The following TGFB3 variants were observed in gnomAD, a reference collection of about 807,000 sequenced individuals.
TGFB3 encodes transforming growth factor beta-3 proprotein.
TGFB3 carries 5 observed loss-of-function variants against 40.1 expected under a neutral mutation model. The observed-to-expected ratio is 0.12, with a 90% confidence interval of 0.07 to 0.26. The LOEUF (loss-of-function observed/expected upper bound fraction) is 0.26, where lower values mean the gene tolerates loss of function less well. Ranked by LOEUF, TGFB3 falls within the 10% of genes least tolerant of loss-of-function variation. The probability of loss-of-function intolerance (pLI) is 1.00; values close to 1 mark genes in which losing one functional copy is unlikely to be tolerated. For missense variants in TGFB3, 373 were observed against 530.1 expected, an observed-to-expected ratio of 0.70 and a Z score of 2.91; for synonymous variants, 184 against 205.6, an observed-to-expected ratio of 0.89 and a Z score of 0.90.
chr14:75,967,492 C>T (rs1057162584), intron 3 of TGFB3, among the ~76,000 whole-genome samples: 1 of 152,148 alleles, frequency 6.6e-6, no homozygotes, highest in Non-Finnish European at 1.5e-5. Context: ...AGTGTACCTC[C>T]TGGTCAAGCT....
At chr14:75,974,603 A>G (rs549276143) in intron 1 of TGFB3, among the ~76,000 whole-genome samples, 293 of 152,140 alleles carry the variant, frequency 1.9e-3, no homozygotes, top group African/African-American at 6.4e-3. Flanking sequence ...CGTCTCTACT[A>G]AAAATACAAA....
intron 3 of TGFB3, among the ~76,000 whole-genome samples, chr14:75,970,501 G>T (rs1292689688): frequency 6.6e-6 from 1 of 151,660 alleles, no homozygotes; most frequent in Admixed American, 6.6e-5. Flanking sequence ...TGGAGGTGCA[G>T]TGAGCAGAGA....
In TGFB3 at chr14:75,971,549, A is replaced by AGT; in HGVS notation, c.516+4_516+5dup. Reference sequence around the variant, plus strand: ...GGTGTGGTTTCTGCTCTGAGAGAGGAGTTACCTGGAAGAGCTCGATCCTCT... The same window carrying AGT: ...GGTGTGGTTTCTGCTCTGAGAGAGGAGTGTTACCTGGAAGAGCTCGATCCTCT... On this transcript the variant is annotated splice_donor_region_variant and intron_variant, in intron 2 of 6. Coordinates refer to ENST00000238682, the MANE Select transcript of TGFB3 (RefSeq NM_003239.5). The surrounding 1 kb of genome is among the most constrained non-coding windows in gnomAD (Gnocchi z 4.5). 1 of 1,613,998 alleles carries AGT rather than the reference A, an allele frequency of 6.2e-7. No individual in the cohort carries two copies. The highest frequency in any genetic ancestry group is 8.5e-7 in the Non-Finnish European group (1 of 1,179,988).
chr14:75,978,683 T>C lies in TGFB3; in HGVS notation c.352+1859A>G, dbSNP rs2035383913. 6.6e-6 allele frequency among the ~76,000 whole-genome samples: 1 copy of C among 152,248 alleles called. No homozygotes were observed. The highest frequency in any genetic ancestry group is 1.5e-5 in the Non-Finnish European group (1 of 68,040). On this transcript the variant is annotated intron_variant, in intron 1 of 6. Transcript: ENST00000238682. This position sits in a 1 kb window ranked among gnomAD's most constrained non-coding sequence, Gnocchi z 5.0. ...CAGCCTGGAAGCTGCCCAGCATCTA[T>C]GGGGCCCTGCCCGGGCTTTTCCCAA...
At chr14:75,973,628 G>A (rs573984262) in intron 1 of TGFB3, among the ~76,000 whole-genome samples, 4 of 152,326 alleles carry the variant, frequency 2.6e-5, no homozygotes, top group African/African-American at 9.6e-5. Context: ...TTATTGATAT[G>A]GCTTCAGTTA....
Position 75,971,149 on chromosome 14 carries a change from A to G in TGFB3, c.623T>C (p.Val208Ala). Reference sequence around the variant, plus strand: ...ACCTCTTCTCAACAGCCACTCACGCACAGTGTCAGTGACATCAAAGGACAG... The same window carrying G: ...ACCTCTTCTCAACAGCCACTCACGCGCAGTGTCAGTGACATCAAAGGACAG... The part of the protein sequence containing the change: ...EWLSFDVTDT[V>A]REWLLRRESN... Residue 208 changes from valine (V) to alanine (A), a missense_variant, in exon 3 of 7, where the codon GTG becomes GCG. By Grantham distance (64) the Val-to-Ala change is moderately conservative. Transcript: ENST00000238682. The surrounding 1 kb of genome is among the most constrained non-coding windows in gnomAD (Gnocchi z 4.5). 2 of 1,614,100 alleles carry G rather than the reference A, an allele frequency of 1.2e-6. No individual in the cohort carries two copies. The highest frequency in any genetic ancestry group is 1.7e-6 in the Non-Finnish European group (2 of 1,180,014).
At chr14:75,966,613 C>T (rs1054497435) in intron 3 of TGFB3, 63 of 152,168 alleles carry the variant, frequency 4.1e-4, no homozygotes, top group African/African-American at 1.5e-3. Context: ...GACTTGAGCA[C>T]GGAGACAGTG....
rs1302391555 is a variant in TGFB3, at chr14:75,971,678, A to G, written c.393T>C (p.Val131=). 3 of 1,614,148 alleles carry G rather than the reference A, an allele frequency of 1.9e-6. No individual in the cohort carries two copies. Among genetic ancestry groups the G allele is most frequent in the Non-Finnish European group, 2.5e-6 (3 of 1,180,052 alleles). ...CCACTGAGGACACATTGAAGCGGAA[A>G]ACCTTGGAGGTAATTCCTTTAGGGC... ...AVCPKGITSK[V]FRFNVSSVEK... The change falls in exon 2 of 7, where the codon GTT becomes GTC. Residue 131 remains valine, a synonymous_variant. Transcript: ENST00000238682. The surrounding 1 kb of genome is among the most constrained non-coding windows in gnomAD (Gnocchi z 4.5).
At chr14:75,974,141 G>GA (rs2035325440) in intron 1 of TGFB3, among the ~76,000 whole-genome samples, 1 of 150,816 alleles carries the variant, frequency 6.6e-6, no homozygotes, top group Non-Finnish European at 1.5e-5. Flanking sequence ...CTCCATCTCA[G>GA]AAAAAAAAGA....
At chr14:75,975,115 C>A (rs1287578369) in intron 1 of TGFB3, among the ~76,000 whole-genome samples, 1 of 151,666 alleles carries the variant, frequency 6.6e-6, no homozygotes, top group African/African-American at 2.4e-5. Flanking sequence ...TGCCTGTAAT[C>A]CCAGCACTTT....
chr14:75,978,736 T>G lies in TGFB3; in HGVS notation c.352+1806A>C, dbSNP rs1432377839. On this transcript the variant is annotated intron_variant, in intron 1 of 6. Transcript: ENST00000238682. The surrounding 1 kb of genome is among the most constrained non-coding windows in gnomAD (Gnocchi z 5.0). ...ACATCTGCTATTTGTGCTTTGAGTC[T>G]GCACAAAATCAGTGTCCACTTGCAC... Among the ~76,000 whole-genome samples the G allele has an allele frequency of 1.3e-5, 2 of 152,260 alleles. No homozygotes were observed. The highest frequency in any genetic ancestry group is 4.8e-5 in the African/African-American group (2 of 41,474).
chr14:75,982,664 C>T, upstream of TGFB3: 1 of 139,422 alleles, frequency 7.2e-6, no homozygotes, highest in East Asian at 2.3e-4. This position sits in a 1 kb window ranked among gnomAD's most constrained non-coding sequence, Gnocchi z 4.0. Context: ...GCCGGGGAGG[C>T]TCGGGGGCTG....
rs1382239332 is a variant in TGFB3 at position 75,963,412 on chromosome 14, T to C, written c.830A>G (p.His277Arg). ...LKKQKDHHNP[H>R]LILMMIPPHR... ...TGGGGGAATCATCATGAGGATTAGA[T>C]GAGGGTTGTGGTGATCCTTCTGCTT... is the stretch of plus-strand genomic sequence containing the variant. The change falls in exon 5 of 7, where the codon CAT becomes CGT. Residue 277 changes from histidine (H) to arginine (R), a missense_variant. By Grantham distance (29) the His-to-Arg change is conservative (BLOSUM62 0). Coordinates refer to ENST00000238682, the MANE Select transcript of TGFB3 (RefSeq NM_003239.5). 2 of 1,614,116 alleles carry C rather than the reference T, an allele frequency of 1.2e-6. No individual in the cohort carries two copies. The highest frequency in any genetic ancestry group is 2.2e-5 in the East Asian group (1 of 44,876).
At chr14:75,982,870 G>T (rs2035453542), upstream of TGFB3, 1 of 152,380 alleles carries the variant, frequency 6.6e-6, no homozygotes, top group African/African-American at 2.4e-5. This position sits in a 1 kb window ranked among gnomAD's most constrained non-coding sequence, Gnocchi z 4.0. Flanking sequence ...TCCCCGCCGA[G>T]GTCTCCGCAG....
In TGFB3 at chr14:75,971,568, A is replaced by C; in HGVS notation, c.503T>G (p.Ile168Ser). 1 of 1,614,136 alleles carries C rather than the reference A, an allele frequency of 6.2e-7. No individual in the cohort carries two copies. Among genetic ancestry groups the C allele is most frequent in the Non-Finnish European group, 8.5e-7 (1 of 1,180,012 alleles). Residue 168 changes from isoleucine to serine, a missense_variant, in exon 2 of 7, where the codon ATC (isoleucine) becomes AGC (serine). By Grantham distance (142) the Ile-to-Ser change is moderately radical. Coordinates refer to ENST00000238682, the MANE Select transcript of TGFB3 (RefSeq NM_003239.5). The surrounding 1 kb of genome is among the most constrained non-coding windows in gnomAD (Gnocchi z 4.5). ...GAGAGGAGTTACCTGGAAGAGCTCG[A>C]TCCTCTGCTCATTCCGCTTAGAGCT... ...NPSSKRNEQRIELFQILRPDE... is the reference protein window; with the variant it reads ...NPSSKRNEQRSELFQILRPDE...
chr14:75,959,253 A>G lies in TGFB3; in HGVS notation c.1173T>C (p.Tyr391=), dbSNP rs2035123397. ...GCTCCACTTTGGGGGTCCTCCCAACATAGTACAGGATGGTCAGGGGCTCCA... is the reference window on the plus strand; with the variant it reads ...GCTCCACTTTGGGGGTCCTCCCAACGTAGTACAGGATGGTCAGGGGCTCCA... The part of the protein sequence containing the change: ...QDLEPLTILY[Y]VGRTPKVEQL... The change falls in exon 7 of 7, where the codon TAT becomes TAC. Residue 391 remains tyrosine (Y), a synonymous_variant. Transcript: ENST00000238682. 1 of 1,614,034 alleles carries G rather than the reference A, an allele frequency of 6.2e-7. No individual in the cohort carries two copies. Among genetic ancestry groups the G allele is most frequent in the African/African-American group, 1.3e-5 (1 of 74,918 alleles).
At chr14:75,965,302 A>T (rs187902608) in intron 4 of TGFB3, among the ~76,000 whole-genome samples, 1 of 152,334 alleles carries the variant, frequency 6.6e-6, no homozygotes, top group East Asian at 1.9e-4. Context: ...AGGAACTCTC[A>T]TCCCATTTCA....
In TGFB3 at chr14:75,966,830, C is replaced by G. The variant is rs1381027904; in HGVS notation, c.647-1135G>C. The G allele has an allele frequency of 2.6e-5, 4 of 152,346 alleles. No individual in the cohort carries two copies. In the Middle Eastern group the frequency reaches 0.014, roughly 518 times the overall value. 9.4% of individuals were successfully genotyped at this position (152,346 alleles called of 1,614,324 possible). On this transcript the variant is annotated intron_variant, in intron 3 of 6. Transcript: ENST00000238682. ...CTGCACTGAGACAAGTAGTTTTACA[C>G]AGAAAACCAGGTAGGATCTGGTATC...
chr14:75,962,694 G>A (rs891352127), intron 5 of TGFB3, among the ~76,000 whole-genome samples: 2 of 152,172 alleles, frequency 1.3e-5, no homozygotes, highest in East Asian at 1.9e-4. Context: ...TCTCATGGGC[G>A]TGATCATCTT....
Sources: allele counts gnomAD v4.1 joint callset (sites outside exome capture counted in the v4.1 genomes callset), GRCh38; gene constraint gnomAD v4.1.1; non-coding constraint Gnocchi (gnomAD v3.1); transcripts MANE v1.5; gene names NCBI Gene and HGNC (gene_info 2026-07-23, HGNC 2026-07-21).